BET1: variants seen among roughly 807,000 people sequenced by gnomAD.
BET1 encodes Bet1 golgi vesicular membrane trafficking protein.
A neutral mutation model predicts 13.9 loss-of-function variants in BET1; 9 were observed. The ratio of observed to expected loss-of-function variants is 0.65; its 90% confidence interval spans 0.39 to 1.13. BET1 has a LOEUF of 1.13. Ranked by LOEUF, BET1 falls within the 50% of genes most tolerant of loss-of-function variation. BET1 has a pLI of 0.01. For missense variants in BET1, 127 were observed against 133.6 expected (o/e 0.95, Z 0.24); for synonymous variants, 39 against 47.3 (o/e 0.82, Z 0.72).
At position 94,004,245 on chromosome 7, in the gene BET1, G is replaced by A. The variant is rs115594620; in HGVS notation, c.-29C>T. ...GCCAGAGGAGAGAGAGAAAAGGCGG[G>A]TGCGGGGCTTTGGGTGAGTAGGAAA... On this transcript the variant is annotated 5_prime_UTR_variant, in exon 1 of 4. Coordinates refer to ENST00000222547, the MANE Select transcript of BET1 (RefSeq NM_005868.6). 1.1e-4 allele frequency: 174 copies of A among 1,614,076 alleles called. No individual in the cohort carries two copies. The African/African-American group carries it at 2.0e-3, about 18-fold the overall frequency.
chr7:93,993,048 A>G, downstream of BET1: 1 of 981,906 alleles, frequency 1.0e-6, no homozygotes, highest in Non-Finnish European at 1.2e-6. Context: ...AACTCAGTAA[A>G]ATCCAAGAAA....
exon 5 of BET1, chr7:93,976,088 C>G (rs1028436541): frequency 5.7e-6 from 7 of 1,237,482 alleles, no homozygotes; most frequent in Non-Finnish European, 7.3e-6. Flanking sequence ...ATCCCTGGAA[C>G]CTGAAGGATC....
intron 1 of BET1, among the ~76,000 whole-genome samples, chr7:94,000,659 G>A (rs1248505142): frequency 1.3e-5 from 2 of 152,052 alleles, no homozygotes; most frequent in African/African-American, 4.8e-5. Context: ...GTGGATGGTT[G>A]GACTAATCTA....
At chr7:93,988,346 A>C (rs1795566575), downstream of BET1, among the ~76,000 whole-genome samples, 1 of 152,228 alleles carries the variant, frequency 6.6e-6, no homozygotes, top group Admixed American at 6.5e-5. Flanking sequence ...CAAACACCAC[A>C]GAGATATCTT....
chr7:93,963,498 CAAAGTT>C (rs1287097465), exon 7 of BET1: 1 of 151,960 alleles, frequency 6.6e-6, no homozygotes, highest in African/African-American at 2.4e-5. Context: ...TCTCTCCACT[CAAAGTT>C]AAGTCTTCAC....
intron 2 of BET1, among the ~76,000 whole-genome samples, chr7:93,997,023 T>C (rs1795784973): frequency 6.6e-6 from 1 of 152,000 alleles, no homozygotes; most frequent in Non-Finnish European, 1.5e-5. Flanking sequence ...AAATAAATAT[T>C]AGTGTTACTT....
chr7:93,985,404 G>A (rs987951884), intron 4 of BET1, among the ~76,000 whole-genome samples: 3 of 152,128 alleles, frequency 2.0e-5, no homozygotes, highest in Non-Finnish European at 4.4e-5. Flanking sequence ...AGGATATTAT[G>A]CAGGTTAAAT....
chr7:93,979,994 G>C (rs1795398928), intron 4 of BET1, among the ~76,000 whole-genome samples: 1 of 151,944 alleles, frequency 6.6e-6, no homozygotes, highest in African/African-American at 2.4e-5. Flanking sequence ...GGAAAGAGTT[G>C]GGCCATGTGA....
rs1795699825 is a variant in BET1, at chr7:93,993,994, T to C, written c.*236A>G. 4 of 1,528,886 alleles carry C rather than the reference T, an allele frequency of 2.6e-6. No individual in the cohort carries two copies. In the East Asian group the frequency reaches 7.4e-5, roughly 28 times the overall value. 94.7% of individuals were successfully genotyped at this position (1,528,886 alleles called of 1,614,324 possible). ...AATAGAAAAACAAACTGGAAATTAG[T>C]GGAGCCACACCCTCTCACTACCCCT... On this transcript the variant is annotated 3_prime_UTR_variant, in exon 4 of 4. Coordinates refer to ENST00000222547, the MANE Select transcript of BET1 (RefSeq NM_005868.6).
intron 4 of BET1, among the ~76,000 whole-genome samples, chr7:93,980,760 G>C (rs1487091630): frequency 6.6e-6 from 1 of 152,162 alleles, no homozygotes; most frequent in Non-Finnish European, 1.5e-5. Context: ...GGAAGTCCTA[G>C]CGAGAGCAAT....
At chr7:93,974,098 T>C (rs1436746328) in intron 5 of BET1, among the ~76,000 whole-genome samples, 1 of 152,020 alleles carries the variant, frequency 6.6e-6, no homozygotes, top group African/African-American at 2.4e-5. Context: ...CAGTTTTCTC[T>C]TTGTCTATAA....
chr7:93,997,450 C>T (rs1000478256), intron 2 of BET1, among the ~76,000 whole-genome samples: 2 of 152,160 alleles, frequency 1.3e-5, no homozygotes, highest in African/African-American at 4.8e-5. Flanking sequence ...AAATTATCTA[C>T]ATTGGGGGGG....
intron 2 of BET1, 55 bp from the exon 3 acceptor site, chr7:93,996,376 T>C: frequency 4.7e-6 from 6 of 1,284,800 alleles, no homozygotes; most frequent in Non-Finnish European, 6.4e-6. Context: ...TCAAGTGTTA[T>C]AAAGTAAAAA....
At chr7:93,991,421 C>A (rs1438256296), downstream of BET1, among the ~76,000 whole-genome samples, 1 of 152,120 alleles carries the variant, frequency 6.6e-6, no homozygotes, top group East Asian at 1.9e-4. Context: ...ACCAACATAA[C>A]CACAGTGTAC....
At chr7:93,964,154 C>T (rs556264669) in exon 7 of BET1, 2 of 152,046 alleles carry the variant, frequency 1.3e-5, no homozygotes, top group South Asian at 4.2e-4. Flanking sequence ...TCAGGGGTTA[C>T]ATGTGCAGAT....
At position 93,999,228 on chromosome 7, in the gene BET1, T is replaced by G; in HGVS notation, c.86A>C (p.Glu29Ala). Residue 29 changes from glutamate (E) to alanine (A), a missense_variant, in exon 2 of 4, where the codon GAA (glutamate) becomes GCA (alanine). Glu to Ala is a moderately radical substitution (Grantham distance 107, BLOSUM62 -1). Transcript: ENST00000222547. ...TTCAGTGAGCCTCTCATTTTCTTCT[T>G]CACAGGCACTATACCCACTATTAGC... The part of the protein sequence containing the change: ...GYANSGYSAC[E>A]EENERLTESL... 6.2e-7 allele frequency: 1 copy of G among 1,613,530 alleles called. No individual in the cohort carries two copies.
intron 1 of BET1, chr7:94,000,171 C>G (rs1198474150): frequency 1.3e-5 from 2 of 150,698 alleles, no homozygotes; most frequent in African/African-American, 4.9e-5. Flanking sequence ...GTGGCGCGAT[C>G]TCGGCTCACT....
intron 2 of BET1, 81 bp downstream of exon 2, chr7:93,999,089 G>A (rs991741336): frequency 1.7e-5 from 18 of 1,076,178 alleles, no homozygotes; most frequent in Middle Eastern, 3.5e-4. Context: ...TTAGGATGAC[G>A]TCAATAAGAA....
Position 93,993,690 on chromosome 7 carries a change from TATC to T in BET1, c.*537_*539del, listed in dbSNP as rs1305796215. ...TGGGCAGAAAGAAATGAGGGGTCATTATCATCAAAAATTATTAGGAAGATTGTA... is the reference window on the plus strand; with the variant it reads ...TGGGCAGAAAGAAATGAGGGGTCATTATCAAAAATTATTAGGAAGATTGTA... On this transcript the variant is annotated 3_prime_UTR_variant, in exon 4 of 4. Transcript: ENST00000222547. 2.2e-6 allele frequency: 3 copies of T among 1,348,270 alleles called. No individual in the cohort carries two copies. The highest frequency in any genetic ancestry group is 2.8e-6 in the Non-Finnish European group (3 of 1,056,382). 83.5% of individuals were successfully genotyped at this position (1,348,270 alleles called of 1,614,324 possible). A position where few individuals can be genotyped will look rare whatever the true frequency, so the allele number is the denominator to read the frequency against.
Sources: gnomAD v4.1 joint callset for allele counts (sites outside exome capture counted in the v4.1 genomes callset) on GRCh38, gnomAD v4.1.1 for gene constraint, MANE v1.5 for transcripts, NCBI Gene and HGNC (gene_info 2026-07-23, HGNC 2026-07-21) for gene names.